LINC00305: variants seen among roughly 807,000 people sequenced by gnomAD.
The protein encoded by LINC00305 is long intergenic non-protein coding RNA 305.
rs113686493 is a variant in LINC00305, at chr18:64,107,989, A to G, written n.315-9349T>C. On this transcript the variant is annotated intron_variant and non_coding_transcript_variant, in intron 1 of 3. Transcript: ENST00000666468. ...AATGAGCACAAGCAGGGGAGCTGAG[A>G]CAAGGCAGGCAAACAACCTCTAAAA... is the stretch of plus-strand genomic sequence containing the variant. Among the ~76,000 whole-genome samples the G allele has an allele frequency of 6.8e-3, 1,037 of 152,326 alleles. 12 individuals are homozygous for G. The highest frequency in any genetic ancestry group is 0.024 in the African/African-American group (997 of 41,578).
chr18:64,106,981 T>C (rs772693762), intron 1 of LINC00305, among the ~76,000 whole-genome samples: 15 of 152,124 alleles, frequency 9.9e-5, no homozygotes, highest in Non-Finnish European at 1.6e-4. Flanking sequence ...AGATATGACA[T>C]TTTGGCTAAG....
At chr18:64,147,313 A>G (rs1387373924) in intron 1 of LINC00305, 3 of 152,210 alleles carry the variant, frequency 2.0e-5, no homozygotes, top group Admixed American at 6.5e-5. Flanking sequence ...TTAGCCATCA[A>G]ACTAGCACTA....
intron 1 of LINC00305, among the ~76,000 whole-genome samples, chr18:64,130,749 AGTTTCCTG>A (rs2051406089): frequency 1.3e-5 from 2 of 152,254 alleles, no homozygotes; most frequent in African/African-American, 4.8e-5. Flanking sequence ...TATTAATATG[AGTTTCCTG>A]GTAGACAGAA....
At chr18:64,115,287 A>G (rs992198735) in intron 1 of LINC00305, among the ~76,000 whole-genome samples, 1 of 152,230 alleles carries the variant, frequency 6.6e-6, no homozygotes, top group Non-Finnish European at 1.5e-5. Context: ...ACAGTAATCT[A>G]CCATGAGCCT....
chr18:64,123,994 C>G (rs1322187362), intron 1 of LINC00305, among the ~76,000 whole-genome samples: 1 of 152,012 alleles, frequency 6.6e-6, no homozygotes, highest in Non-Finnish European at 1.5e-5. Flanking sequence ...GAGGTGAGGC[C>G]CTTACCAGAT....
intron 1 of LINC00305, among the ~76,000 whole-genome samples, chr18:64,126,922 C>G (rs1468114411): frequency 1.3e-5 from 2 of 152,106 alleles, no homozygotes; most frequent in Non-Finnish European, 2.9e-5. Flanking sequence ...GAAAATATTT[C>G]AGACATTAAG....
At chr18:64,094,985 A>C (rs1468733776) in intron 3 of LINC00305, among the ~76,000 whole-genome samples, 1 of 152,188 alleles carries the variant, frequency 6.6e-6, no homozygotes, top group Non-Finnish European at 1.5e-5. Context: ...AAATTTGGAT[A>C]CAGAAAACTG....
At position 64,127,080 on chromosome 18, in the gene LINC00305, C is replaced by T. The variant is rs575715050; in HGVS notation, n.314+21695G>A. 3.9e-5 allele frequency among the ~76,000 whole-genome samples: 6 copies of T among 152,160 alleles called. No homozygotes were observed. The South Asian group carries it at 1.2e-3, about 32-fold the overall frequency. ...TCAATGGAAGAGTAACCTTCCTCCCCGCCCCCTGCCAAGTAACCAATTTTG... is the reference window on the plus strand; with the variant it reads ...TCAATGGAAGAGTAACCTTCCTCCCTGCCCCCTGCCAAGTAACCAATTTTG... On this transcript the variant is annotated intron_variant and non_coding_transcript_variant, in intron 1 of 3. Coordinates refer to ENST00000666468, the Ensembl canonical transcript of LINC00305.
At chr18:64,100,522 GA>G in intron 1 of LINC00305, among the ~76,000 whole-genome samples, 1 of 152,280 alleles carries the variant, frequency 6.6e-6, no homozygotes, top group East Asian at 1.9e-4. Context: ...GTTATTTGTG[GA>G]AGCCCAATTT....
Position 64,108,781 on chromosome 18 carries a change from A to T in LINC00305, n.315-10141T>A, listed in dbSNP as rs528248284. Among the ~76,000 whole-genome samples, 31 of 152,312 alleles carry T rather than the reference A, an allele frequency of 2.0e-4. No individual in the cohort carries two copies. The East Asian group carries it at 5.8e-3, about 28-fold the overall frequency. On this transcript the variant is annotated intron_variant and non_coding_transcript_variant, in intron 1 of 3. Transcript: ENST00000666468. ...ACAAGTGTACAGTTGGCTCCAATAC[A>T]TACTTTGATTATATATTTTTTCACT... is the stretch of plus-strand genomic sequence containing the variant.
chr18:64,125,809 G>A (rs1270086472), intron 1 of LINC00305, among the ~76,000 whole-genome samples: 2 of 152,082 alleles, frequency 1.3e-5, no homozygotes, highest in African/African-American at 4.8e-5. Context: ...AGGTGATTAG[G>A]CATGAATGGA....
At position 64,110,154 on chromosome 18, in the gene LINC00305, G is replaced by A. The variant is rs185509242; in HGVS notation, n.315-11514C>T. Among the ~76,000 whole-genome samples, 341 of 152,134 alleles carry A rather than the reference G, an allele frequency of 2.2e-3. 3 individuals are homozygous for A. Among genetic ancestry groups the A allele is most frequent in the South Asian group, 1.2e-3 (6 of 4,816 alleles). On this transcript the variant is annotated intron_variant and non_coding_transcript_variant, in intron 1 of 3. Coordinates refer to ENST00000666468, the Ensembl canonical transcript of LINC00305. ...TGAGATAGTAGAGTCAAAATTATTC[G>A]GTAGCTTGGATCCCTGAGAGGCCTT...
At chr18:64,108,964 C>T (rs2051303721) in intron 1 of LINC00305, among the ~76,000 whole-genome samples, 1 of 152,126 alleles carries the variant, frequency 6.6e-6, no homozygotes. Context: ...TATTTCTTTT[C>T]CCATTTATGT....
intron 1 of LINC00305, among the ~76,000 whole-genome samples, chr18:64,136,369 C>A: frequency 6.6e-6 from 1 of 152,244 alleles, no homozygotes; most frequent in South Asian, 2.1e-4. Flanking sequence ...ACTCACAGTT[C>A]CATATGGCTG....
chr18:64,143,747 GTACA>G (rs2051481757), intron 1 of LINC00305, among the ~76,000 whole-genome samples: 2 of 66,576 alleles, frequency 3.0e-5, no homozygotes, highest in Non-Finnish European at 6.5e-5. Flanking sequence ...CATATTATGC[GTACA>G]TGTATGTACA....
chr18:64,107,539 G>T (rs1428883470), intron 1 of LINC00305, among the ~76,000 whole-genome samples: 2 of 152,206 alleles, frequency 1.3e-5, no homozygotes, highest in Non-Finnish European at 2.9e-5. Context: ...ATTGGCTTTT[G>T]CCTACTGCAT....
chr18:64,116,535 T>C (rs2051338606), intron 1 of LINC00305, among the ~76,000 whole-genome samples: 1 of 152,244 alleles, frequency 6.6e-6, no homozygotes, highest in South Asian at 2.1e-4. Context: ...ACACAACATA[T>C]ATATCAATTG....
intron 1 of LINC00305, among the ~76,000 whole-genome samples, chr18:64,101,050 CA>C (rs2051266198): frequency 6.6e-6 from 1 of 152,162 alleles, no homozygotes; most frequent in Non-Finnish European, 1.5e-5. Flanking sequence ...GACATCTTTG[CA>C]AATGATCTGA....
chr18:64,139,111 A>G (rs1364117303), intron 1 of LINC00305, among the ~76,000 whole-genome samples: 1 of 152,148 alleles, frequency 6.6e-6, no homozygotes, highest in Non-Finnish European at 1.5e-5. Context: ...CGTGCACTCC[A>G]CCTCCAATCA....
Sources: allele counts gnomAD v4.1 joint callset (sites outside exome capture counted in the v4.1 genomes callset), GRCh38; gene constraint gnomAD v4.1.1; transcripts MANE v1.5; gene names NCBI Gene and HGNC (gene_info 2026-07-23, HGNC 2026-07-21).